Variants in ABCA1 observed in about 807,000 individuals in gnomAD.
The protein encoded by ABCA1 is ATP binding cassette subfamily A member 1, also known as phospholipid-transporting ATPase ABCA1.
Under a neutral mutation model 262.5 loss-of-function variants are expected in ABCA1, and 133 were observed. The ratio of observed to expected loss-of-function variants is 0.51; its 90% CI spans 0.44 to 0.59. The LOEUF is 0.59. ABCA1 is among the 20% of genes least tolerant of loss of function. ABCA1 has a pLI of 0.00. For synonymous variants in ABCA1, 1,022 were observed against 1,043.5 expected (o/e 0.98, Z 0.40); for missense variants, 2,452 against 2,777.5 (o/e 0.88, Z 2.63).
chr9:104,887,213 C>T (rs1461651411), intron 3 of ABCA1, among the ~76,000 whole-genome samples: 1 of 152,170 alleles, frequency 6.6e-6, no homozygotes, highest in African/African-American at 2.4e-5. Flanking sequence ...GGGAGGCAGA[C>T]ATTGTAGTGA....
intron 5 of ABCA1, among the ~76,000 whole-genome samples, chr9:104,873,294 A>G (rs1002836326): frequency 2.0e-5 from 3 of 152,266 alleles, no homozygotes; most frequent in Admixed American, 2.0e-4. Context: ...CCACAAGGAC[A>G]GAAAATATAG....
chr9:104,836,821 C>T lies in ABCA1; in HGVS notation c.1311+159G>A, dbSNP rs894625130. 5.9e-5 allele frequency among the ~76,000 whole-genome samples: 9 copies of T among 152,336 alleles called. No homozygotes were observed. In the South Asian group the frequency reaches 1.9e-3, roughly 32 times the overall value. ...TATCTCTGCACCATGGCCTGTACTT[C>T]TGGAGAGGTGGTGCCCTGTGACTTT... On this transcript the variant is annotated intron_variant, in intron 11 of 49. Coordinates refer to ENST00000374736, the MANE Select transcript of ABCA1 (RefSeq NM_005502.4).
intron 34 of ABCA1, 96 bp downstream of exon 34, chr9:104,801,958 T>A: frequency 8.9e-7 from 1 of 1,127,242 alleles, no homozygotes; most frequent in Non-Finnish European, 1.3e-6. Context: ...TTCAGAACAA[T>A]GAGCTGCCAG....
intron 2 of ABCA1, among the ~76,000 whole-genome samples, chr9:104,890,404 AC>A (rs1265524734): frequency 6.6e-6 from 1 of 152,138 alleles, no homozygotes; most frequent in Non-Finnish European, 1.5e-5. Context: ...ACATGGTGAA[AC>A]CCTGTCTCTA....
In ABCA1 at chr9:104,786,398, A is replaced by G; in HGVS notation, c.6309-8T>C. ...GCTTCACATTCTTCCATACTGCGGT[A>G]AAACAGAAAGAGGTTTTAGTTTTAG... is the stretch of plus-strand genomic sequence containing the variant. On this transcript the variant is annotated splice_region_variant and splice_polypyrimidine_tract_variant and intron_variant, in intron 47 of 49. Coordinates refer to ENST00000374736, the MANE Select transcript of ABCA1 (RefSeq NM_005502.4). 6.2e-7 allele frequency: 1 copy of G among 1,613,228 alleles called. No individual in the cohort carries two copies. The highest frequency in any genetic ancestry group is 8.5e-7 in the Non-Finnish European group (1 of 1,179,204).
Position 104,791,964 on chromosome 9 carries a change from C to T in ABCA1, c.5792G>A (p.Arg1931Lys), listed in dbSNP as rs776497278. ...ACCAGGAGGAATGCCCACGCAAATC[C>T]TGTCAACAGCAGGCTTCCGCTTCCT... Reference protein sequence around the residue: ...YRRKRKPAVDRICVGIPPGEC... With the variant: ...YRRKRKPAVDKICVGIPPGEC... The change falls in exon 43 of 50, where the codon AGG becomes AAG. Residue 1931 changes from arginine to lysine, a missense_variant. Transcript: ENST00000374736. The T allele has an allele frequency of 6.2e-7, 1 of 1,613,672 alleles. No homozygotes were observed. The highest frequency in any genetic ancestry group is 1.1e-5 in the South Asian group (1 of 91,052).
rs141710592 is a variant in ABCA1 at position 104,901,667 on chromosome 9, A to G, written c.66+1947T>C. On this transcript the variant is annotated intron_variant, in intron 2 of 49. Transcript: ENST00000374736. Reference sequence around the variant, plus strand: ...GAGTCAGAAACTTCAATATTCTCAGATGGAGAATAGGCAAAATAATGACAC... The same window carrying G: ...GAGTCAGAAACTTCAATATTCTCAGGTGGAGAATAGGCAAAATAATGACAC... Among the ~76,000 whole-genome samples the G allele has an allele frequency of 4.7e-4, 71 of 152,276 alleles. 1 individual carries two copies. The highest frequency in any genetic ancestry group is 8.7e-4 in the Non-Finnish European group (59 of 68,024).
chr9:104,921,327 C>G (rs1842130449), intron 1 of ABCA1, among the ~76,000 whole-genome samples: 1 of 152,066 alleles, frequency 6.6e-6, no homozygotes, highest in Non-Finnish European at 1.5e-5. Context: ...CAAGAAAAGA[C>G]TTTATAGAAG....
At chr9:104,855,381 A>C (rs2119085912) in intron 7 of ABCA1, 1 of 171,760 alleles carries the variant, frequency 5.8e-6, no homozygotes, top group African/African-American at 2.4e-5. Flanking sequence ...GTGTATTTTT[A>C]GTAGAGAGGG....
chr9:104,832,291 G>T (rs1032723757), intron 12 of ABCA1, among the ~76,000 whole-genome samples: 2 of 152,166 alleles, frequency 1.3e-5, no homozygotes, highest in East Asian at 3.8e-4. Context: ...TAGTCACTGA[G>T]ATAGGAAAAC....
intron 5 of ABCA1, among the ~76,000 whole-genome samples, chr9:104,882,698 A>G (rs1354251822): frequency 2.0e-5 from 3 of 152,254 alleles, no homozygotes. Context: ...CTCTGTCTAT[A>G]AATCCATTCA....
At chr9:104,863,238 T>C (rs967376127) in intron 5 of ABCA1, among the ~76,000 whole-genome samples, 6 of 152,200 alleles carry the variant, frequency 3.9e-5, no homozygotes, top group African/African-American at 1.4e-4. Context: ...ACCAGATGCT[T>C]GGTAGGAGCC....
intron 5 of ABCA1, among the ~76,000 whole-genome samples, chr9:104,867,198 C>T (rs1185687156): frequency 1.3e-5 from 2 of 152,152 alleles, no homozygotes; most frequent in African/African-American, 4.8e-5. Flanking sequence ...AGAGGAGAGT[C>T]AGGTGAGTGG....
Position 104,802,094 on chromosome 9 carries a change from T to C in ABCA1, c.4658A>G (p.Asp1553Gly). ...GTGTTTCTTCATTTGTTTGATGGCA[T>C]CATTAACTTCTTGACTCGGAGGAAG... ...QALPPSQEVN[D>G]AIKQMKKHLK... The change falls in exon 34 of 50, where the codon GAT becomes GGT. Residue 1553 changes from aspartate to glycine, a missense_variant. Physicochemically the swap from Asp to Gly is moderately conservative, Grantham distance 94. Around this residue, in one of 4 missense-constraint regions of ABCA1, gnomAD observed 752 missense variants for 944.5 expected, o/e 0.80. Coordinates refer to ENST00000374736, the MANE Select transcript of ABCA1 (RefSeq NM_005502.4). The C allele has an allele frequency of 6.2e-7, 1 of 1,614,194 alleles. No homozygotes were observed. Among genetic ancestry groups the C allele is most frequent in the Non-Finnish European group, 8.5e-7 (1 of 1,180,040 alleles).
intron 2 of ABCA1, among the ~76,000 whole-genome samples, chr9:104,893,845 G>T (rs1032506539): frequency 5.3e-5 from 8 of 152,134 alleles, no homozygotes; most frequent in African/African-American, 1.9e-4. Flanking sequence ...AGGTGGAATG[G>T]TCTAGAAATA....
chr9:104,887,464 C>T (rs1004257296), intron 3 of ABCA1, among the ~76,000 whole-genome samples: 2 of 152,148 alleles, frequency 1.3e-5, no homozygotes, highest in Non-Finnish European at 2.9e-5. Context: ...CAAACCCCAA[C>T]TTGTCTGATG....
chr9:104,869,161 A>G (rs1837362445), intron 5 of ABCA1, among the ~76,000 whole-genome samples: 1 of 152,152 alleles, frequency 6.6e-6, no homozygotes, highest in South Asian at 2.1e-4. Context: ...TCAGGTTTCA[A>G]GATCTGTCTT....
chr9:104,880,041 G>A (rs1281903490), intron 5 of ABCA1, among the ~76,000 whole-genome samples: 4 of 152,214 alleles, frequency 2.6e-5, no homozygotes. Flanking sequence ...GCATAACAGG[G>A]TGGTGAATAT....
At chr9:104,791,181 T>C (rs1180619910) in intron 43 of ABCA1, among the ~76,000 whole-genome samples, 153 bp from the exon 44 acceptor site, 1 of 152,226 alleles carries the variant, frequency 6.6e-6, no homozygotes, top group Non-Finnish European at 1.5e-5. Context: ...TATTTAAATA[T>C]GTATTTCATA....
Sources: gnomAD v4.1 joint callset for allele counts (sites outside exome capture counted in the v4.1 genomes callset) on GRCh38, gnomAD v4.1.1 for gene constraint, gnomAD v4.1.1 regional missense constraint, MANE v1.5 for transcripts, NCBI Gene and HGNC (gene_info 2026-07-23, HGNC 2026-07-21) for gene names.